Variants in GPM6A observed in about 807,000 individuals in gnomAD.
GPM6A encodes glycoprotein M6A, also known as neuronal membrane glycoprotein M6-a.
GPM6A carries 7 observed loss-of-function variants against 32.1 expected under a neutral mutation model. That is an observed-to-expected ratio of 0.22 (90% CI 0.12 to 0.41). The LOEUF (loss-of-function observed/expected upper bound fraction) is 0.41. GPM6A is among the 10% of genes least tolerant of loss of function. The pLI, the probability that GPM6A is intolerant of heterozygous loss-of-function variation, is 1.00. For synonymous variants in GPM6A, 130 were observed against 123.4 expected (o/e 1.05, Z -0.35); for missense variants, 235 against 347.2 (o/e 0.68, Z 2.57).
chr4:175,823,339 GA>G (rs1259426344), intron 1 of GPM6A, among the ~76,000 whole-genome samples: 3 of 152,166 alleles, frequency 2.0e-5, no homozygotes, highest in South Asian at 2.1e-4. Context: ...AAAAGTGGAT[GA>G]TTTTTTTTGG....
At chr4:175,871,696 C>T (rs1736914744) in intron 1 of GPM6A, among the ~76,000 whole-genome samples, 1 of 152,144 alleles carries the variant, frequency 6.6e-6, no homozygotes, top group Non-Finnish European at 1.5e-5. Flanking sequence ...GTTATCTATG[C>T]TGTTACTTCT....
At chr4:175,874,565 A>G (rs940251369) in intron 1 of GPM6A, among the ~76,000 whole-genome samples, 6 of 152,124 alleles carry the variant, frequency 3.9e-5, no homozygotes, top group Non-Finnish European at 7.3e-5. Context: ...ACTTTCACAG[A>G]GAAATTGGAG....
intron 1 of GPM6A, among the ~76,000 whole-genome samples, chr4:175,850,083 T>C (rs1489145658): frequency 1.3e-5 from 2 of 152,090 alleles, no homozygotes; most frequent in East Asian, 3.9e-4. Flanking sequence ...AAGAAAGTTA[T>C]TAAAGGAAAG....
intron 1 of GPM6A, among the ~76,000 whole-genome samples, chr4:175,702,859 C>T (rs2111068327): frequency 6.6e-6 from 1 of 152,254 alleles, no homozygotes; most frequent in South Asian, 2.1e-4. Flanking sequence ...ACTCTTTTGA[C>T]TTCAGTACTC....
At chr4:175,821,815 C>G (rs1000224185) in intron 1 of GPM6A, among the ~76,000 whole-genome samples, 1 of 151,972 alleles carries the variant, frequency 6.6e-6, no homozygotes, top group African/African-American at 2.4e-5. Context: ...TTGCTAAACT[C>G]TCCTATAGTT....
chr4:175,924,127 T>A (rs1738756558), intron 1 of GPM6A, among the ~76,000 whole-genome samples: 1 of 152,170 alleles, frequency 6.6e-6, no homozygotes, highest in Non-Finnish European at 1.5e-5. Flanking sequence ...GACACGACCA[T>A]ATTAGTAGCG....
intron 1 of GPM6A, among the ~76,000 whole-genome samples, chr4:175,751,586 A>G (rs1406273367): frequency 1.3e-5 from 2 of 152,084 alleles, no homozygotes; most frequent in East Asian, 1.9e-4. Context: ...TTCTGGAGAG[A>G]GAGAGGAGCT....
chr4:175,887,725 TAA>T (rs1377271003), intron 1 of GPM6A, among the ~76,000 whole-genome samples: 1 of 151,516 alleles, frequency 6.6e-6, no homozygotes, highest in Non-Finnish European at 1.5e-5. Flanking sequence ...TGAAAAAAAA[TAA>T]AAAACACTAA....
intron 1 of GPM6A, among the ~76,000 whole-genome samples, chr4:175,737,301 C>T (rs1038079049): frequency 1.3e-5 from 2 of 152,024 alleles, no homozygotes. Context: ...ATCCTGTACG[C>T]CTGTAATCCT....
chr4:175,782,718 A>C lies in GPM6A; in HGVS notation c.37+29473T>G, dbSNP rs188661438. On this transcript the variant is annotated intron_variant, in intron 1 of 6. Coordinates refer to ENST00000393658, the MANE Select transcript of GPM6A (RefSeq NM_201591.3). ...ACTACTTACATTCCATAAGTAGTAT[A>C]AATTACCTTATTTATTGGACATAGC... is the stretch of plus-strand genomic sequence containing the variant. Among the ~76,000 whole-genome samples, 347 of 152,252 alleles carry C rather than the reference A, an allele frequency of 2.3e-3. 1 individual carries two copies. Among genetic ancestry groups the C allele is most frequent in the Non-Finnish European group, 3.5e-3 (237 of 67,946 alleles).
chr4:175,718,418 C>A (rs1169194405), intron 1 of GPM6A, among the ~76,000 whole-genome samples: 2 of 151,962 alleles, frequency 1.3e-5, no homozygotes, highest in Non-Finnish European at 1.5e-5. Context: ...GAGTTGGAAA[C>A]AAGCCTGGCC....
intron 1 of GPM6A, among the ~76,000 whole-genome samples, chr4:175,886,531 C>T (rs182395721): frequency 2.3e-4 from 35 of 152,190 alleles, no homozygotes; most frequent in Non-Finnish European, 4.9e-4. Flanking sequence ...ACCAAAAGGT[C>T]CTTCTACGGT....
intron 1 of GPM6A, among the ~76,000 whole-genome samples, chr4:175,704,316 T>TTC (rs745650771): frequency 3.1e-4 from 43 of 136,798 alleles, no homozygotes; most frequent in Non-Finnish European, 6.1e-4. Flanking sequence ...ATCTCTCTCT[T>TTC]TCTCTCACAC....
chr4:175,925,850 C>CTTTTTTT (rs60669466), intron 1 of GPM6A, among the ~76,000 whole-genome samples: 14 of 135,114 alleles, frequency 1.0e-4, no homozygotes, highest in African/African-American at 1.4e-4. Context: ...CTTTTCTTTT[C>CTTTTTTT]TTTTTTTTTT....
intron 4 of GPM6A, among the ~76,000 whole-genome samples, chr4:175,650,213 T>C (rs1741702610): frequency 6.6e-6 from 1 of 152,154 alleles, no homozygotes; most frequent in Non-Finnish European, 1.5e-5. Context: ...ATTTTTGCCC[T>C]AAATAAAATA....
At chr4:175,740,142 T>A (rs777167795) in intron 1 of GPM6A, among the ~76,000 whole-genome samples, 1 of 152,048 alleles carries the variant, frequency 6.6e-6, no homozygotes, top group Non-Finnish European at 1.5e-5. Flanking sequence ...TATATTTGTC[T>A]CACTTGATTT....
chr4:175,645,751 A>C (rs940821188), intron 4 of GPM6A, among the ~76,000 whole-genome samples: 1 of 152,144 alleles, frequency 6.6e-6, no homozygotes, highest in African/African-American at 2.4e-5. Flanking sequence ...AAAATTGTAA[A>C]TGAGAGTTGG....
intron 1 of GPM6A, chr4:175,808,633 C>G (rs1020537033): frequency 2.0e-5 from 3 of 152,108 alleles, no homozygotes; most frequent in African/African-American, 7.2e-5. Context: ...TGACCCAGTC[C>G]CTGAGAGTCA....
chr4:175,803,273 A>T (rs1734549600), intron 1 of GPM6A, among the ~76,000 whole-genome samples: 1 of 152,062 alleles, frequency 6.6e-6, no homozygotes, highest in African/African-American at 2.4e-5. Flanking sequence ...TAAAAACTTT[A>T]CCCTTCAGGA....
Sources: gnomAD v4.1 joint callset for allele counts (sites outside exome capture counted in the v4.1 genomes callset) on GRCh38, gnomAD v4.1.1 for gene constraint, MANE v1.5 for transcripts, NCBI Gene and HGNC (gene_info 2026-07-23, HGNC 2026-07-21) for gene names.